Variants in USP35 observed in about 807,000 individuals in gnomAD.
The protein encoded by USP35 is ubiquitin specific peptidase 35.
In USP35, 69 loss-of-function variants were observed where a neutral mutation model predicts 83.8. The ratio of observed to expected loss-of-function variants is 0.82; its 90% confidence interval spans 0.68 to 1.01. The LOEUF (loss-of-function observed/expected upper bound fraction) is 1.01. Ranked by LOEUF, USP35 falls within the 50% of genes least tolerant of loss-of-function variation. The probability of loss-of-function intolerance (pLI) is 0.00; values close to 1 mark genes in which losing one functional copy is unlikely to be tolerated. For missense variants in USP35, 1,503 were observed against 1,362.5 expected (o/e 1.10, Z -1.62); for synonymous variants, 714 against 589.5 (o/e 1.21, Z -3.06).
the USP35 span, among the ~76,000 whole-genome samples, chr11:78,231,492 G>A: frequency 6.6e-6 from 1 of 152,136 alleles, no homozygotes. Flanking sequence ...TGTGATTACA[G>A]GAGCGTACCA....
chr11:78,222,721 T>C, the USP35 span, among the ~76,000 whole-genome samples: 1 of 152,082 alleles, frequency 6.6e-6, no homozygotes, highest in Non-Finnish European at 1.5e-5. Flanking sequence ...TAGCTGGGAC[T>C]ATAGGCGCCT....
chr11:78,201,389 T>C (rs1863355673), intron 6 of USP35, among the ~76,000 whole-genome samples: 1 of 152,200 alleles, frequency 6.6e-6, no homozygotes, highest in Non-Finnish European at 1.5e-5. Context: ...ACTGGGGGCA[T>C]GGGCATGAAG....
At chr11:78,226,384 A>G in the USP35 span, 59 of 1,138,594 alleles carry the variant, frequency 5.2e-5, no homozygotes, top group African/African-American at 7.9e-4. Context: ...TCGGCCATGG[A>G]TGACCAAGGA....
rs1389499848 is a variant in USP35, at chr11:78,210,399, C to A, written c.2544C>A (p.Cys848Ter). Residue 848 changes from cysteine to a stop codon, truncating the protein, a stop_gained, in exon 10 of 11, where the codon TGC becomes TGA. Coordinates refer to ENST00000529308, the MANE Select transcript of USP35 (RefSeq NM_020798.4). LOFTEE classifies it high-confidence loss of function. Reference protein sequence around the residue: ...AGGRGQAYDLCSVVVHSGVSS... With the variant: ...AGGRGQAYDL ...GCCGTGGCCAGGCCTATGACCTCTG[C>A]AGTGTGGTGGTGCACTCTGGAGTGT... is the stretch of plus-strand genomic sequence containing the variant. 1 of 1,613,928 alleles carries A rather than the reference C, an allele frequency of 6.2e-7. No homozygotes were observed. The highest frequency in any genetic ancestry group is 1.7e-5 in the Admixed American group (1 of 60,036).
intron 1 of USP35, among the ~76,000 whole-genome samples, chr11:78,189,703 G>T (rs536448107): frequency 6.6e-6 from 1 of 152,202 alleles, no homozygotes; most frequent in South Asian, 2.1e-4. Flanking sequence ...GGGTGGCCCC[G>T]CAGGGATAGG....
At chr11:78,225,237 G>C in the USP35 span, 2 of 1,377,212 alleles carry the variant, frequency 1.5e-6, no homozygotes, top group South Asian at 2.3e-5. Context: ...AGTACTCATG[G>C]TTGATTCATG....
Position 78,215,194 on chromosome 11 carries a change from T to A in USP35, c.*1381T>A, listed in dbSNP as rs923257892. ...TGTTCTTATTCACAGCCAAGAAAAA[T>A]ACCCAATTATTTCCAAATAAAGCAA... On this transcript the variant is annotated 3_prime_UTR_variant, in exon 11 of 11. Transcript: ENST00000529308. 1 of 152,288 alleles carries A rather than the reference T, an allele frequency of 6.6e-6. No homozygotes were observed. The highest frequency in any genetic ancestry group is 6.6e-5 in the Admixed American group (1 of 15,250). The allele number at this position is 152,288 out of a possible 1,614,324, so 9.4% of individuals were successfully genotyped here. A position where few individuals can be genotyped will look rare whatever the true frequency, so the allele number is the denominator to read the frequency against.
Position 78,200,714 on chromosome 11 carries a change from G to C in USP35, c.1103G>C (p.Ser368Thr), listed in dbSNP as rs1415659669. The C allele has an allele frequency of 1.2e-6, 2 of 1,614,024 alleles. No homozygotes were observed. Among genetic ancestry groups the C allele is most frequent in the Non-Finnish European group, 1.7e-6 (2 of 1,179,998 alleles). ...LVKEDSNSGT[S>T]CLEQLAELVH... Reference sequence around the variant, plus strand: ...AAGGAGGACTCGAACTCGGGGACCAGCTGCCTGGAGCAGCTGGCGGAGCTG... The same window carrying C: ...AAGGAGGACTCGAACTCGGGGACCACCTGCCTGGAGCAGCTGGCGGAGCTG... The change falls in exon 6 of 11, where the codon AGC (serine) becomes ACC (threonine). Residue 368 changes from serine to threonine, a missense_variant. Transcript: ENST00000529308.
Position 78,196,726 on chromosome 11 carries a change from C to T in USP35, c.481C>T (p.Arg161Cys), listed in dbSNP as rs1026922811. 7 of 1,530,770 alleles carry T rather than the reference C, an allele frequency of 4.6e-6. No individual in the cohort carries two copies. In the African/African-American group the frequency reaches 5.5e-5, roughly 12 times the overall value. 94.8% of individuals were successfully genotyped at this position (1,530,770 alleles called of 1,614,324 possible). Residue 161 changes from arginine to cysteine, a missense_variant, in exon 2 of 11, where the codon CGC becomes TGC. Coordinates refer to ENST00000529308, the MANE Select transcript of USP35 (RefSeq NM_020798.4). The surrounding 1 kb of genome is among the most constrained non-coding windows in gnomAD (Gnocchi z 4.8). ...GCGCTGTGTGCCCGACGGACCCCAC[C>T]GCCTGCTCTTCTGCCAGCAGCTGGT... is the stretch of plus-strand genomic sequence containing the variant. ...HPRCVPDGPHRLLFCQQLVRC... is the reference protein window; with the variant it reads ...HPRCVPDGPHCLLFCQQLVRC...
At chr11:78,232,541 T>C in the USP35 span, among the ~76,000 whole-genome samples, 1 of 152,252 alleles carries the variant, frequency 6.6e-6, no homozygotes, top group Non-Finnish European at 1.5e-5. Flanking sequence ...ATAGATATTA[T>C]TCTGAATAGT....
At chr11:78,198,511 C>T (rs929971602) in intron 3 of USP35, 1 of 646,856 alleles carries the variant, frequency 1.5e-6, no homozygotes, top group Non-Finnish European at 1.9e-6. Context: ...TCTGAACGTC[C>T]TCCTCCCTGT....
chr11:78,207,429 C>G (rs536230515), intron 7 of USP35, 101 bp from the exon 8 acceptor site: 48 of 1,167,064 alleles, frequency 4.1e-5, no homozygotes, highest in Non-Finnish European at 1.0e-5. Flanking sequence ...AATGTCTGTT[C>G]TGCCTTTGGC....
Position 78,196,129 on chromosome 11 carries a change from C to T in USP35, c.-10-107C>T. The T allele has an allele frequency of 7.0e-7, 1 of 1,432,962 alleles. No homozygotes were observed. The highest frequency in any genetic ancestry group is 1.9e-4 in the Middle Eastern group (1 of 5,132). The allele number at this position is 1,432,962 out of a possible 1,614,324, so 88.8% of individuals were successfully genotyped here. A position where few individuals can be genotyped will look rare whatever the true frequency, so the allele number is the denominator to read the frequency against. On this transcript the variant is annotated intron_variant, in intron 1 of 10. Coordinates refer to ENST00000529308, the MANE Select transcript of USP35 (RefSeq NM_020798.4). The surrounding 1 kb of genome is among the most constrained non-coding windows in gnomAD (Gnocchi z 4.8). ...TTTCACAGATGAGAAAACTGAGGCCCAGAAAGTTTGAGTTGCTTGCCCTAA... is the reference window on the plus strand; with the variant it reads ...TTTCACAGATGAGAAAACTGAGGCCTAGAAAGTTTGAGTTGCTTGCCCTAA...
chr11:78,234,471 CTTT>C, the USP35 span, among the ~76,000 whole-genome samples: 8 of 151,820 alleles, frequency 5.3e-5, no homozygotes, highest in Admixed American at 3.9e-4. Flanking sequence ...GGTTGCTGTT[CTTT>C]TTTTATTATT....
the USP35 span, among the ~76,000 whole-genome samples, chr11:78,228,282 G>A: frequency 3.2e-4 from 48 of 152,208 alleles, no homozygotes; most frequent in Non-Finnish European, 6.3e-4. Context: ...CAGGGATTTA[G>A]GTCTGCTTCT....
chr11:78,229,379 G>A, the USP35 span, among the ~76,000 whole-genome samples: 1 of 152,190 alleles, frequency 6.6e-6, no homozygotes, highest in Non-Finnish European at 1.5e-5. Context: ...GGCCAGGCCA[G>A]GACTAAAGGG....
chr11:78,196,638 C>A lies in USP35; in HGVS notation c.393C>A (p.Thr131=). ...FALLRREVLR[T]VCERPGPAAC... is the part of the protein sequence containing the mutation. ...TGCTGCGGCGCGAGGTGCTGCGCACCGTGTGCGAGCGCCCGGGCCCCGCGG... is the reference window on the plus strand; with the variant it reads ...TGCTGCGGCGCGAGGTGCTGCGCACAGTGTGCGAGCGCCCGGGCCCCGCGG... The change falls in exon 2 of 11, where the codon ACC becomes ACA. Residue 131 remains threonine, a synonymous_variant. Transcript: ENST00000529308. The surrounding 1 kb of genome is among the most constrained non-coding windows in gnomAD (Gnocchi z 4.8). 3 of 1,364,860 alleles carry A rather than the reference C, an allele frequency of 2.2e-6. No homozygotes were observed. Among genetic ancestry groups the A allele is most frequent in the South Asian group, 3.3e-5 (2 of 61,044 alleles). The allele number at this position is 1,364,860 out of a possible 1,614,324, so 84.5% of individuals were successfully genotyped here. A position where few individuals can be genotyped will look rare whatever the true frequency, so the allele number is the denominator to read the frequency against.
Position 78,213,803 on chromosome 11 carries a change from TG to T in USP35, c.3049del (p.Val1017SerfsTer10). The T allele has an allele frequency of 6.4e-7, 1 of 1,554,514 alleles. No homozygotes were observed. The highest frequency in any genetic ancestry group is 1.4e-5 in the African/African-American group (1 of 70,692). On this transcript the variant is annotated frameshift_variant, in exon 11 of 11. Coordinates refer to ENST00000529308, the MANE Select transcript of USP35 (RefSeq NM_020798.4). LOFTEE classifies it high-confidence loss of function. ...AGGNGGDFHR[L>X]VF ...GGCAATGGTGGTGACTTCCACAGAC[TG>T]GTCTTCTAATGTGAACCTGCTGCCA...
the USP35 span, among the ~76,000 whole-genome samples, chr11:78,230,482 A>T: frequency 6.6e-6 from 1 of 152,254 alleles, no homozygotes; most frequent in Admixed American, 6.5e-5. Context: ...TATGGTAATC[A>T]TTCCTTCCTC....
Sources: allele counts gnomAD v4.1 joint callset (sites outside exome capture counted in the v4.1 genomes callset), GRCh38; gene constraint gnomAD v4.1.1; non-coding constraint Gnocchi (gnomAD v3.1); transcripts MANE v1.5; gene names NCBI Gene and HGNC (gene_info 2026-07-23, HGNC 2026-07-21).